Variants in PLCD1 observed in about 807,000 individuals in gnomAD.
The protein encoded by PLCD1 is phospholipase C delta 1, also known as 1-phosphatidylinositol 4,5-bisphosphate phosphodiesterase delta-1.
A neutral mutation model predicts 87.4 loss-of-function variants in PLCD1; 71 were observed. The observed-to-expected ratio is 0.81, with a 90% CI of 0.67 to 0.99. The LOEUF (loss-of-function observed/expected upper bound fraction) is 0.99. Ranked by LOEUF, PLCD1 falls within the 50% of genes least tolerant of loss-of-function variation. PLCD1 has a pLI of 0.00. For missense variants in PLCD1, 867 were observed against 1,001.5 expected (o/e 0.87, Z 1.81); for synonymous variants, 348 against 399.2 (o/e 0.87, Z 1.53).
Position 38,009,958 on chromosome 3 carries a change from G to T in PLCD1, c.1233C>A (p.Pro411=). The T allele has an allele frequency of 6.2e-7, 1 of 1,613,706 alleles. No homozygotes were observed. The highest frequency in any genetic ancestry group is 8.5e-7 in the Non-Finnish European group (1 of 1,179,722). The change falls in exon 8 of 15, where the codon CCC becomes CCA. Residue 411 remains proline (P), a synonymous_variant. Coordinates refer to ENST00000334661, the MANE Select transcript of PLCD1 (RefSeq NM_006225.4). ...CATCCAGTGGTCGGTTCAACAGCAT[G>T]GGGCCCAGGATGGCATGCAGGTGCC... ...MARHLHAILG[P]MLLNRPLDGV... is the part of the protein sequence containing the mutation.
intron 2 of PLCD1, 53 bp from the exon 3 acceptor site, chr3:38,016,772 C>G (rs1487213565): frequency 9.4e-6 from 12 of 1,277,938 alleles, no homozygotes; most frequent in African/African-American, 3.0e-5. Context: ...TGAGGTCAGT[C>G]CCTGACCCTG....
intron 1 of PLCD1, among the ~76,000 whole-genome samples, chr3:38,023,609 G>A (rs1191667295): frequency 4.6e-5 from 7 of 152,024 alleles, no homozygotes; most frequent in Non-Finnish European, 8.8e-5. Context: ...GAAACTTTAC[G>A]CAGCCACTGT....
chr3:38,010,400 T>C lies in PLCD1; in HGVS notation c.953A>G (p.Asp318Gly). Residue 318 changes from aspartate (D) to glycine (G), a missense_variant, in exon 6 of 15, where the codon GAC becomes GGC. Transcript: ENST00000334661. ...SSSHNTYLLE[D>G]QLAGPSSTEA... is the part of the protein sequence containing the mutation. ...AGTGCTGCTGGGCCCGGCTAGCTGG[T>C]CCTCCAGCAGGTAGGTGTTGTGTGA... The C allele has an allele frequency of 6.2e-7, 1 of 1,614,178 alleles. No individual in the cohort carries two copies. Among genetic ancestry groups the C allele is most frequent in the Non-Finnish European group, 8.5e-7 (1 of 1,180,020 alleles).
At chr3:38,024,720 C>T in intron 1 of PLCD1, 1 of 1,435,568 alleles carries the variant, frequency 7.0e-7, no homozygotes, top group Non-Finnish European at 9.2e-7. Flanking sequence ...GAAGGTGAGG[C>T]GAGAGCGAAA....
chr3:38,010,622 C>A, intron 5 of PLCD1, 60 bp from the exon 6 acceptor site: 1 of 1,432,216 alleles, frequency 7.0e-7, no homozygotes, highest in South Asian at 1.2e-5. Flanking sequence ...TCCTGGCTGC[C>A]CACCCATCTG....
chr3:38,017,905 CCCCTGGTGA>C lies in PLCD1; in HGVS notation c.200-1195_200-1187del, dbSNP rs1175725586. 1.3e-5 allele frequency among the ~76,000 whole-genome samples: 2 copies of C among 152,166 alleles called. No individual in the cohort carries two copies. The highest frequency in any genetic ancestry group is 4.8e-5 in the African/African-American group (2 of 41,432). ...CACGGCTTAATCCCTCTGCCTGCAG[CCCCTGGTGA>C]CCCACACGGCCGCACACAGGGTGCA... On this transcript the variant is annotated intron_variant, in intron 2 of 14. Transcript: ENST00000334661. This position sits in a 1 kb window ranked among gnomAD's most constrained non-coding sequence, Gnocchi z 4.7.
chr3:38,011,521 C>T, intron 4 of PLCD1, 23 bp downstream of exon 4: 1 of 1,614,064 alleles, frequency 6.2e-7, no homozygotes, highest in South Asian at 1.1e-5. Flanking sequence ...ACAGGCAGCC[C>T]CAGCCCCCAC....
rs1405952268 is a variant in PLCD1 at position 38,011,448 on chromosome 3, G to A, written c.559-3C>T. On this transcript the variant is annotated splice_polypyrimidine_tract_variant and splice_region_variant and intron_variant, in intron 4 of 14. Transcript: ENST00000334661. ...TCTGTCTGGGAGTGGTCACACTCCT[G>A]CAGAGCCAGGACAGCCGAGTGGGCT... 6.2e-7 allele frequency: 1 copy of A among 1,613,024 alleles called. No homozygotes were observed. The highest frequency in any genetic ancestry group is 1.1e-5 in the South Asian group (1 of 91,060).
Position 38,029,626 on chromosome 3 carries a change from G to T in PLCD1, c.-87C>A. The T allele has an allele frequency of 1.5e-6, 2 of 1,307,262 alleles. No individual in the cohort carries two copies. The highest frequency in any genetic ancestry group is 2.1e-6 in the Non-Finnish European group (2 of 944,674). The allele number at this position is 1,307,262 out of a possible 1,614,324, so 81.0% of individuals were successfully genotyped here. A position where few individuals can be genotyped will look rare whatever the true frequency, so the allele number is the denominator to read the frequency against. Reference sequence around the variant, plus strand: ...GCGGCCTGGGGTCCGAGCGGAGTGCGGTGCAGGGACCTGAATGGACCGCGG... The same window carrying T: ...GCGGCCTGGGGTCCGAGCGGAGTGCTGTGCAGGGACCTGAATGGACCGCGG... On this transcript the variant is annotated 5_prime_UTR_variant, in exon 1 of 15. Transcript: ENST00000334661.
rs113896726 is a variant in PLCD1, at chr3:38,009,121, G to A, written c.1644C>T (p.Ser548=). Residue 548 remains serine (S), a synonymous_variant, in exon 11 of 15, where the codon AGC becomes AGT. Coordinates refer to ENST00000334661, the MANE Select transcript of PLCD1 (RefSeq NM_006225.4). ...TTCTCCATCCAGCCGGGTAGATTCT[G>A]CTCAGGTGCCCCACGTTGTGGCGGA... ...GFVRHNVGHL[S]RIYPAGWRTD... 5.0e-4 allele frequency: 811 copies of A among 1,614,064 alleles called. 1 individual carries two copies. Among genetic ancestry groups the A allele is most frequent in the Non-Finnish European group, 6.2e-4 (728 of 1,180,028 alleles).
At position 38,011,591 on chromosome 3, in the gene PLCD1, C is replaced by G. The variant is rs766451116; in HGVS notation, c.511G>C (p.Glu171Gln). 4.3e-6 allele frequency: 7 copies of G among 1,614,048 alleles called. No homozygotes were observed. The East Asian group carries it at 1.6e-4, about 36-fold the overall frequency. ...SFKELQNFLKELNIQVDDSYA... is the reference protein window; with the variant it reads ...SFKELQNFLKQLNIQVDDSYA... The stretch of plus-strand genomic sequence containing the variant: ...CTGTCGTCCACCTGGATGTTGAGCT[C>G]CTTCAGGAAGTTCTGCAGCTCCTTG... Residue 171 changes from glutamate (E) to glutamine (Q), a missense_variant, in exon 4 of 15, where the codon GAG (glutamate) becomes CAG (glutamine). Coordinates refer to ENST00000334661, the MANE Select transcript of PLCD1 (RefSeq NM_006225.4).
intron 1 of PLCD1, chr3:38,024,814 GA>G (rs1357954162): frequency 9.1e-7 from 1 of 1,100,606 alleles, no homozygotes; most frequent in Non-Finnish European, 1.2e-6. Flanking sequence ...GGCAGAGTCA[GA>G]CCCCAAAAGG....
chr3:38,023,319 ACT>A (rs1230611954), intron 1 of PLCD1, among the ~76,000 whole-genome samples: 1 of 152,094 alleles, frequency 6.6e-6, no homozygotes, highest in African/African-American at 2.4e-5. Flanking sequence ...AAAATTACAC[ACT>A]GTCACAGGGA....
At chr3:38,020,134 G>A in intron 2 of PLCD1, 54 bp downstream of exon 2, 2 of 1,497,438 alleles carry the variant, frequency 1.3e-6, no homozygotes, top group Non-Finnish European at 9.3e-7. Context: ...TATTTACCCA[G>A]CCCTGAGCAG....
chr3:38,010,037 A>G lies in PLCD1; in HGVS notation c.1154T>C (p.Val385Ala). The G allele has an allele frequency of 6.2e-7, 1 of 1,614,208 alleles. No individual in the cohort carries two copies. Among genetic ancestry groups the G allele is most frequent in the South Asian group, 1.1e-5 (1 of 91,086 alleles). ...DYAFKASPYP[V>A]ILSLENHCTL... Reference sequence around the variant, plus strand: ...GCAGTGGTTCTCCAGGGATAGGATGACAGGGTAGGGGGACGCCTGGAGGCC... The same window carrying G: ...GCAGTGGTTCTCCAGGGATAGGATGGCAGGGTAGGGGGACGCCTGGAGGCC... The change falls in exon 8 of 15, where the codon GTC becomes GCC. Residue 385 changes from valine to alanine, a missense_variant. Coordinates refer to ENST00000334661, the MANE Select transcript of PLCD1 (RefSeq NM_006225.4).
At chr3:38,015,073 A>C (rs1002575669) in intron 3 of PLCD1, among the ~76,000 whole-genome samples, 3 of 152,386 alleles carry the variant, frequency 2.0e-5, no homozygotes, top group African/African-American at 7.2e-5. Context: ...AAACATAGTT[A>C]CCATATGACC....
Position 38,029,641 on chromosome 3 carries a change from A to C in PLCD1, c.-102T>G. On this transcript the variant is annotated 5_prime_UTR_variant, in exon 1 of 15. Coordinates refer to ENST00000334661, the MANE Select transcript of PLCD1 (RefSeq NM_006225.4). Reference sequence around the variant, plus strand: ...AGCGGAGTGCGGTGCAGGGACCTGAATGGACCGCGGTGGGAGGAGGCCGGG... The same window carrying C: ...AGCGGAGTGCGGTGCAGGGACCTGACTGGACCGCGGTGGGAGGAGGCCGGG... 6 of 1,076,620 alleles carry C rather than the reference A, an allele frequency of 5.6e-6. No individual in the cohort carries two copies. Among genetic ancestry groups the C allele is most frequent in the Non-Finnish European group, 6.7e-6 (5 of 748,164 alleles). The allele number at this position is 1,076,620 out of a possible 1,614,324, so 66.7% of individuals were successfully genotyped here.
chr3:38,010,702 G>A (rs1329133662), intron 5 of PLCD1, 140 bp from the exon 6 acceptor site: 3 of 692,208 alleles, frequency 4.3e-6, no homozygotes, highest in Non-Finnish European at 7.4e-6. Flanking sequence ...TTGGAATTAG[G>A]ATAAGTCTGA....
At chr3:38,021,192 T>C (rs964445389) in intron 1 of PLCD1, among the ~76,000 whole-genome samples, 24 of 152,186 alleles carry the variant, frequency 1.6e-4, no homozygotes, top group African/African-American at 5.6e-4. Context: ...CTCTGATCTT[T>C]GCCCCAAGAA....
Sources: allele counts gnomAD v4.1 joint callset (sites outside exome capture counted in the v4.1 genomes callset), GRCh38; gene constraint gnomAD v4.1.1; non-coding constraint Gnocchi (gnomAD v3.1); transcripts MANE v1.5; gene names NCBI Gene and HGNC (gene_info 2026-07-23, HGNC 2026-07-21).